POLA2: variants seen among roughly 807,000 people sequenced by gnomAD.
The protein encoded by POLA2 is DNA polymerase alpha 2, accessory subunit, also known as DNA polymerase alpha subunit B.
A neutral mutation model predicts 82.8 loss-of-function variants in POLA2; 47 were observed. The observed-to-expected ratio is 0.57, with a 90% CI of 0.45 to 0.72. The LOEUF (loss-of-function observed/expected upper bound fraction) is 0.72. Among genes scored for constraint, POLA2 ranks in the 30% least tolerant of loss-of-function variants. The probability of loss-of-function intolerance (pLI) is 0.00; values close to 1 mark genes in which losing one functional copy is unlikely to be tolerated. For missense variants in POLA2, 634 were observed against 728.1 expected (o/e 0.87, Z 1.49); for synonymous variants, 287 against 286.8 (o/e 1.00, Z -0.01).
At chr11:65,296,048 T>G in intron 17 of POLA2, 58 bp downstream of exon 17, 1 of 1,604,296 alleles carries the variant, frequency 6.2e-7, no homozygotes, top group South Asian at 1.1e-5. Flanking sequence ...TGACTTTCCC[T>G]TCTAGACCAC....
In POLA2 at chr11:65,281,752, C is replaced by T. The variant is rs774877402; in HGVS notation, c.963+20C>T. ...TACGAGGTACACAGCAGTACCCCCACTTGCCTCTTGGTTTGCTTCAGACAA... is the reference window on the plus strand; with the variant it reads ...TACGAGGTACACAGCAGTACCCCCATTTGCCTCTTGGTTTGCTTCAGACAA... On this transcript the variant is annotated intron_variant, in intron 9 of 17. Transcript: ENST00000265465. 3 of 1,602,544 alleles carry T rather than the reference C, an allele frequency of 1.9e-6. No homozygotes were observed. Among genetic ancestry groups the T allele is most frequent in the Non-Finnish European group, 1.7e-6 (2 of 1,169,428 alleles).
chr11:65,272,781 A>ATGGGTGGATCACCTG (rs1394772142), intron 4 of POLA2, among the ~76,000 whole-genome samples: 1 of 151,374 alleles, frequency 6.6e-6, no homozygotes, highest in African/African-American at 2.4e-5. Flanking sequence ...GGAGGCTGAG[A>ATGGGTGGATCACCTG]TGGGTGGATC....
At chr11:65,303,933 A>G (rs911813023) in intron 8 of POLA2, among the ~76,000 whole-genome samples, 1 of 152,172 alleles carries the variant, frequency 6.6e-6, no homozygotes, top group African/African-American at 2.4e-5. Context: ...CTCTGCTGCC[A>G]CCCAGAGCTG....
Position 65,268,675 on chromosome 11 carries a change from T to C in POLA2, c.300T>C (p.Ile100=). The C allele has an allele frequency of 6.3e-7, 1 of 1,596,286 alleles. No individual in the cohort carries two copies. The highest frequency in any genetic ancestry group is 8.6e-7 in the Non-Finnish European group (1 of 1,168,870). Residue 100 remains isoleucine, a synonymous_variant, in exon 4 of 18, where the codon ATT becomes ATC. Coordinates refer to ENST00000265465, the MANE Select transcript of POLA2 (RefSeq NM_002689.4). The part of the protein sequence containing the change: ...ARDIVSIQEL[I]EVEEEEEILL... ...TTTTCTTAACCAGTGTTCTTAGAATTGAAGTGGAAGAAGAAGAGGAAATCC... is the reference window on the plus strand; with the variant it reads ...TTTTCTTAACCAGTGTTCTTAGAATCGAAGTGGAAGAAGAAGAGGAAATCC...
At chr11:65,294,718 C>A in intron 15 of POLA2, 66 bp downstream of exon 15, 2 of 1,072,132 alleles carry the variant, frequency 1.9e-6, no homozygotes, top group Non-Finnish European at 2.8e-6. Context: ...TTTCTGCAGC[C>A]AAGAAAATCA....
At chr11:65,269,159 A>G (rs1237866637) in intron 4 of POLA2, among the ~76,000 whole-genome samples, 1 of 152,082 alleles carries the variant, frequency 6.6e-6, no homozygotes, top group Non-Finnish European at 1.5e-5. Flanking sequence ...CTTATCCATA[A>G]TATCAGGATT....
intron 4 of POLA2, among the ~76,000 whole-genome samples, chr11:65,275,465 A>C (rs1949567082): frequency 6.6e-6 from 1 of 152,176 alleles, no homozygotes; most frequent in Admixed American, 6.5e-5. Flanking sequence ...TTCCTTTGAA[A>C]ATGTATGGTA....
intron 7 of POLA2, chr11:65,280,731 C>A: frequency 2.2e-6 from 1 of 449,824 alleles, no homozygotes; most frequent in Non-Finnish European, 4.0e-6. Context: ...GCAAGTTCCC[C>A]TACACTAGAG....
chr11:65,285,241 TA>T (rs1949683877), intron 10 of POLA2, among the ~76,000 whole-genome samples: 2 of 151,932 alleles, frequency 1.3e-5, no homozygotes, highest in East Asian at 3.9e-4. Context: ...CCATCTCCAC[TA>T]AAAAATACAA....
chr11:65,280,850 G>A (rs1380173494), intron 7 of POLA2, 142 bp from the exon 8 acceptor site: 3 of 732,848 alleles, frequency 4.1e-6, no homozygotes, highest in Non-Finnish European at 6.8e-6. Context: ...TGACGCGGTA[G>A]TCACCTCAGG....
chr11:65,290,537 C>CA (rs1334524913), intron 13 of POLA2, among the ~76,000 whole-genome samples: 4 of 150,870 alleles, frequency 2.7e-5, no homozygotes, highest in Non-Finnish European at 3.0e-5. Flanking sequence ...ACTCCTTTTC[C>CA]AAAAAAAAAT....
chr11:65,292,745 A>G (rs938281560), intron 13 of POLA2, among the ~76,000 whole-genome samples: 2 of 152,214 alleles, frequency 1.3e-5, no homozygotes, highest in African/African-American at 4.8e-5. Context: ...GGACACCACA[A>G]ACAGTGATAA....
intron 13 of POLA2, among the ~76,000 whole-genome samples, chr11:65,291,057 A>G (rs1949750225): frequency 6.6e-6 from 1 of 152,252 alleles, no homozygotes; most frequent in South Asian, 2.1e-4. Flanking sequence ...CTGTTCCAGG[A>G]AGAGGCTAAA....
chr11:65,263,408 G>A (rs1002055371), intron 1 of POLA2, among the ~76,000 whole-genome samples: 3 of 151,884 alleles, frequency 2.0e-5, no homozygotes, highest in African/African-American at 7.3e-5. Context: ...ACTTTTAGTA[G>A]AGAAGGGGTT....
At chr11:65,288,374 C>A (rs774063097) in intron 11 of POLA2, among the ~76,000 whole-genome samples, 10 of 152,078 alleles carry the variant, frequency 6.6e-5, no homozygotes, top group Non-Finnish European at 1.2e-4. Flanking sequence ...ATTCTTACTT[C>A]TTTCTCATTA....
downstream of POLA2, among the ~76,000 whole-genome samples, chr11:65,299,973 TG>T (rs1368257655): frequency 6.6e-6 from 1 of 151,986 alleles, no homozygotes; most frequent in African/African-American, 2.4e-5. Context: ...ATTACAGGCG[TG>T]AGCCACCATG....
intron 8 of POLA2, 77 bp downstream of exon 8, chr11:65,281,224 T>A: frequency 4.2e-6 from 6 of 1,424,836 alleles, no homozygotes; most frequent in Non-Finnish European, 5.8e-6. Context: ...CATGCGCAGC[T>A]GCTCCTCAGT....
At chr11:65,277,870 A>G (rs543073908) in intron 5 of POLA2, among the ~76,000 whole-genome samples, 4 of 152,326 alleles carry the variant, frequency 2.6e-5, no homozygotes, top group African/African-American at 7.2e-5. Flanking sequence ...CTTCTAAACT[A>G]TTCACGTAGA....
At chr11:65,303,639 G>T (rs956202220), downstream of POLA2, among the ~76,000 whole-genome samples, 2 of 152,182 alleles carry the variant, frequency 1.3e-5, no homozygotes, top group Non-Finnish European at 2.9e-5. Context: ...CTCCTTGGGA[G>T]GCAGGCTCTC....
Sources: allele counts gnomAD v4.1 joint callset (sites outside exome capture counted in the v4.1 genomes callset), GRCh38; gene constraint gnomAD v4.1.1; transcripts MANE v1.5; gene names NCBI Gene and HGNC (gene_info 2026-07-23, HGNC 2026-07-21).